The following IFT80 variants were observed in gnomAD, a reference collection of about 807,000 sequenced individuals.
IFT80 encodes the protein intraflagellar transport protein 80 homolog.
Under a neutral mutation model 107.9 loss-of-function variants are expected in IFT80, and 79 were observed. The ratio of observed to expected loss-of-function variants is 0.73; its 90% CI spans 0.61 to 0.88. The LOEUF (loss-of-function observed/expected upper bound fraction) is 0.88. Among genes scored for constraint, IFT80 ranks in the 40% least tolerant of loss-of-function variants. IFT80 has a pLI of 0.00. For synonymous variants in IFT80, 299 were observed against 300.9 expected (o/e 0.99, Z 0.07); for missense variants, 797 against 914.2 (o/e 0.87, Z 1.65).
chr3:160,343,690 T>C (rs1327572888), intron 8 of IFT80: 3 of 236,520 alleles, frequency 1.3e-5, no homozygotes, highest in Admixed American at 1.1e-4. Context: ...TTTGTTTTTA[T>C]ATTTCCTGAT....
intron 14 of IFT80, 57 bp from the exon 15 acceptor site, chr3:160,280,871 T>C (rs1226524782): frequency 3.4e-6 from 5 of 1,470,562 alleles, no homozygotes; most frequent in Non-Finnish European, 2.8e-6. Flanking sequence ...GAATTAAAAA[T>C]AGATCTTTAA....
At chr3:160,392,120 A>G (rs1713430837) in intron 1 of IFT80, among the ~76,000 whole-genome samples, 1 of 152,212 alleles carries the variant, frequency 6.6e-6, no homozygotes, top group Non-Finnish European at 1.5e-5. Flanking sequence ...TTTCTTTTCA[A>G]TCTTGATAAG....
At chr3:160,398,574 A>G (rs1417928564) in intron 1 of IFT80, among the ~76,000 whole-genome samples, 1 of 152,318 alleles carries the variant, frequency 6.6e-6, no homozygotes, top group East Asian at 1.9e-4. Context: ...AAATGCACAT[A>G]GAATTATGTA....
At chr3:160,278,073 G>C (rs1353741744) in intron 16 of IFT80, among the ~76,000 whole-genome samples, 2 of 152,218 alleles carry the variant, frequency 1.3e-5, no homozygotes, top group Non-Finnish European at 2.9e-5. Context: ...TACTTAGGCA[G>C]ATAGTGAGGG....
chr3:160,321,085 A>G (rs1183590805), intron 8 of IFT80, among the ~76,000 whole-genome samples: 1 of 151,922 alleles, frequency 6.6e-6, no homozygotes, highest in Non-Finnish European at 1.5e-5. Flanking sequence ...GATAATGAAC[A>G]AACCATAACC....
At chr3:160,297,707 C>T (rs1716094647) in intron 12 of IFT80, among the ~76,000 whole-genome samples, 1 of 151,878 alleles carries the variant, frequency 6.6e-6, no homozygotes, top group Non-Finnish European at 1.5e-5. Context: ...TTAAAAAATG[C>T]TTTGGGTTTG....
chr3:160,375,733 AT>A, intron 5 of IFT80, 78 bp downstream of exon 5: 1 of 938,936 alleles, frequency 1.1e-6, no homozygotes, highest in East Asian at 2.5e-5. Flanking sequence ...ACCGTATTAG[AT>A]TGTTTCTAAA....
At chr3:160,289,333 G>C (rs1715349783) in intron 12 of IFT80, among the ~76,000 whole-genome samples, 1 of 152,056 alleles carries the variant, frequency 6.6e-6, no homozygotes, top group South Asian at 2.1e-4. Context: ...GAGAGGATCA[G>C]AAAAAATAAT....
At chr3:160,268,566 C>CA in intron 18 of IFT80, 30 bp from the exon 19 acceptor site, 2 of 1,608,678 alleles carry the variant, frequency 1.2e-6, no homozygotes, top group Non-Finnish European at 8.5e-7. Context: ...AGATTATTAA[C>CA]ATTGTTTGTG....
chr3:160,266,029 GA>G lies in IFT80; in HGVS notation c.2223+2383del, dbSNP rs542521618. Among the ~76,000 whole-genome samples, 363 of 151,604 alleles carry G rather than the reference GA, an allele frequency of 2.4e-3. 1 individual carries two copies. Among genetic ancestry groups the G allele is most frequent in the Middle Eastern group, 6.8e-3 (2 of 292 alleles). ...TATTTCATTGGTGGGAAATTTTTAA[GA>G]AAAAAATAATTTTCATCATAAAATA... On this transcript the variant is annotated intron_variant, in intron 19 of 19. Transcript: ENST00000326448.
chr3:160,258,600 A>G lies in IFT80; in HGVS notation c.2259T>C (p.Ile753=), dbSNP rs1712539794. 1.2e-6 allele frequency: 2 copies of G among 1,613,366 alleles called. No individual in the cohort carries two copies. Among genetic ancestry groups the G allele is most frequent in the Non-Finnish European group, 1.7e-6 (2 of 1,179,952 alleles). ...QIDWEKIKAK[I]EMEITKEREQ... is the part of the protein sequence containing the mutation. ...CTCTTTCTTTTGTAATTTCCATCTC[A>G]ATTTTGGCTTTGATTTTCTCCCAAT... is the stretch of plus-strand genomic sequence containing the variant. The change falls in exon 20 of 20, where the codon ATT becomes ATC. Residue 753 remains isoleucine (I), a synonymous_variant. Coordinates refer to ENST00000326448, the MANE Select transcript of IFT80 (RefSeq NM_020800.3).
chr3:160,351,804 T>C (rs1366087838), intron 8 of IFT80, among the ~76,000 whole-genome samples: 3 of 150,616 alleles, frequency 2.0e-5, no homozygotes, highest in Non-Finnish European at 4.4e-5. Flanking sequence ...ATAAATGAAT[T>C]CCAAATCCTT....
intron 6 of IFT80, among the ~76,000 whole-genome samples, chr3:160,358,122 C>T (rs1160415551): frequency 1.3e-5 from 2 of 152,000 alleles, no homozygotes; most frequent in African/African-American, 4.8e-5. Flanking sequence ...ATCCTCCTGC[C>T]TCAGCCTCCC....
At chr3:160,336,466 T>C (rs553015602) in intron 8 of IFT80, among the ~76,000 whole-genome samples, 16 of 152,218 alleles carry the variant, frequency 1.1e-4, no homozygotes, top group African/African-American at 3.1e-4. Flanking sequence ...CAAGAAAAAA[T>C]ATACAAAATA....
chr3:160,300,983 T>C lies in IFT80; in HGVS notation c.1215A>G (p.Ser405=), dbSNP rs761190913. 6.8e-6 allele frequency: 11 copies of C among 1,607,454 alleles called. No homozygotes were observed. Among genetic ancestry groups the C allele is most frequent in the Non-Finnish European group, 9.4e-6 (11 of 1,175,666 alleles). ...TTCTCATTCCAGGAAATTTTGGAGA[T>C]GAAATAAAGCGCCCTTCATATGAAT... ...YLYSYEGRFI[S]SPKFPGMRTD... The change falls in exon 12 of 20, where the codon TCA becomes TCG. Residue 405 remains serine (S), a synonymous_variant. Transcript: ENST00000326448.
intron 12 of IFT80, among the ~76,000 whole-genome samples, chr3:160,295,089 A>G (rs1576766203): frequency 6.6e-6 from 1 of 152,200 alleles, no homozygotes; most frequent in South Asian, 2.1e-4. Flanking sequence ...CAGACAGAAC[A>G]TATGTTTGGG....
intron 19 of IFT80, among the ~76,000 whole-genome samples, chr3:160,262,406 G>T (rs1306864305): frequency 6.6e-6 from 1 of 152,152 alleles, no homozygotes; most frequent in East Asian, 1.9e-4. Flanking sequence ...ACCCAGGCTG[G>T]TGTGTGGTGG....
chr3:160,279,798 G>A (rs1714548402), intron 15 of IFT80, among the ~76,000 whole-genome samples: 1 of 152,138 alleles, frequency 6.6e-6, no homozygotes, highest in African/African-American at 2.4e-5. Context: ...AAAGAGGTGA[G>A]CCAGGCACAG....
At chr3:160,380,103 G>T (rs184923438) in intron 3 of IFT80, among the ~76,000 whole-genome samples, 58 of 150,122 alleles carry the variant, frequency 3.9e-4, no homozygotes, top group African/African-American at 1.4e-3. Flanking sequence ...CGCAATCTCA[G>T]CTCACTGAAA....
Sources: allele counts gnomAD v4.1 joint callset (sites outside exome capture counted in the v4.1 genomes callset), GRCh38; gene constraint gnomAD v4.1.1; transcripts MANE v1.5; gene names NCBI Gene and HGNC (gene_info 2026-07-23, HGNC 2026-07-21).